CAMK2D: variants seen among roughly 807,000 people sequenced by gnomAD.
The protein encoded by CAMK2D is calcium/calmodulin dependent protein kinase II delta.
A neutral mutation model predicts 84.0 loss-of-function variants in CAMK2D; 37 were observed. The ratio of observed to expected loss-of-function variants is 0.44; its 90% confidence interval spans 0.34 to 0.58. The LOEUF (loss-of-function observed/expected upper bound fraction) is 0.58. Among genes scored for constraint, CAMK2D ranks in the 20% least tolerant of loss-of-function variants. The pLI, the probability that CAMK2D is intolerant of heterozygous loss-of-function variation, is 0.02. For synonymous variants in CAMK2D, 202 were observed against 212.5 expected, an observed-to-expected ratio of 0.95 and a Z score of 0.43; for missense variants, 448 against 652.5, an observed-to-expected ratio of 0.69 and a Z score of 3.41.
At chr4:113,592,368 T>C (rs2098893389) in intron 4 of CAMK2D, among the ~76,000 whole-genome samples, 1 of 152,214 alleles carries the variant, frequency 6.6e-6, no homozygotes, top group Admixed American at 6.5e-5. Context: ...AGAATGTCAC[T>C]GACAGTCCAC....
chr4:113,537,544 T>G (rs1049130495), intron 6 of CAMK2D, 101 bp from the exon 7 acceptor site: 4 of 679,070 alleles, frequency 5.9e-6, no homozygotes, highest in South Asian at 5.3e-5. Context: ...AAAAAATTCA[T>G]GCACTGTCAT....
At chr4:113,508,866 A>C (rs1471959499) in intron 13 of CAMK2D, among the ~76,000 whole-genome samples, 1 of 152,246 alleles carries the variant, frequency 6.6e-6, no homozygotes, top group Non-Finnish European at 1.5e-5. Flanking sequence ...AGTGTTGATG[A>C]AGAATGTATG....
intron 3 of CAMK2D, among the ~76,000 whole-genome samples, chr4:113,635,795 T>G (rs2099107775): frequency 6.6e-6 from 1 of 152,186 alleles, no homozygotes; most frequent in African/African-American, 2.4e-5. Flanking sequence ...TTGATAAAAT[T>G]TGTAGTTTAT....
intron 16 of CAMK2D, among the ~76,000 whole-genome samples, chr4:113,481,869 G>A (rs2097705492): frequency 6.6e-6 from 1 of 152,186 alleles, no homozygotes; most frequent in Non-Finnish European, 1.5e-5. Flanking sequence ...AAAGAGAAAG[G>A]GCAGTAAGCC....
intron 2 of CAMK2D, among the ~76,000 whole-genome samples, chr4:113,710,297 A>G (rs1022308447): frequency 6.6e-6 from 1 of 152,168 alleles, no homozygotes; most frequent in African/African-American, 2.4e-5. Context: ...GAGGATATTC[A>G]TATCAGGTTT....
intron 16 of CAMK2D, among the ~76,000 whole-genome samples, chr4:113,492,826 C>T (rs1214828981): frequency 7.2e-6 from 1 of 139,084 alleles, no homozygotes; most frequent in East Asian, 2.0e-4. Flanking sequence ...CTGGGTGCTC[C>T]TGTATTGGGT....
At chr4:113,479,508 A>AT (rs2097672546) in intron 16 of CAMK2D, among the ~76,000 whole-genome samples, 1 of 152,230 alleles carries the variant, frequency 6.6e-6, no homozygotes, top group Admixed American at 6.5e-5. Context: ...AGTGCCTATT[A>AT]TATGGTACTA....
intron 16 of CAMK2D, among the ~76,000 whole-genome samples, chr4:113,498,338 T>C (rs1220382947): frequency 6.6e-6 from 1 of 152,166 alleles, no homozygotes; most frequent in Non-Finnish European, 1.5e-5. Context: ...TGATGGGGCC[T>C]AGGCAATCTT....
intron 2 of CAMK2D, among the ~76,000 whole-genome samples, chr4:113,689,601 C>T (rs766000261): frequency 3.9e-5 from 6 of 152,164 alleles, no homozygotes; most frequent in Non-Finnish European, 8.8e-5. Context: ...AGAAAGTTTG[C>T]ACTTCCTTTT....
chr4:113,688,065 A>G (rs1376050478), intron 2 of CAMK2D, among the ~76,000 whole-genome samples: 1 of 152,240 alleles, frequency 6.6e-6, no homozygotes, highest in African/African-American at 2.4e-5. Context: ...CTAAATAATG[A>G]CTGATTTTCC....
intron 6 of CAMK2D, among the ~76,000 whole-genome samples, chr4:113,546,286 G>T (rs897051012): frequency 1.3e-5 from 2 of 152,134 alleles, no homozygotes; most frequent in Non-Finnish European, 2.9e-5. Flanking sequence ...GGCCAGTAAA[G>T]AATTTTTGAG....
At chr4:113,644,990 A>T (rs1165339374) in intron 3 of CAMK2D, among the ~76,000 whole-genome samples, 1 of 151,932 alleles carries the variant, frequency 6.6e-6, no homozygotes, top group African/African-American at 2.4e-5. Flanking sequence ...TGTACTGAGA[A>T]TTTTTTGTTG....
intron 14 of CAMK2D, 194 bp from the exon 15 acceptor site, chr4:113,503,171 G>C: frequency 1.4e-6 from 1 of 725,698 alleles, no homozygotes; most frequent in East Asian, 2.5e-5. Flanking sequence ...CATGAGATAG[G>C]AACCTCCCTA....
At chr4:113,700,163 A>G (rs916850303) in intron 2 of CAMK2D, among the ~76,000 whole-genome samples, 1 of 152,158 alleles carries the variant, frequency 6.6e-6, no homozygotes, top group Admixed American at 6.6e-5. Context: ...ACCAAAGAAA[A>G]CCTGCTAACT....
At chr4:113,747,619 T>C (rs779359703) in intron 2 of CAMK2D, among the ~76,000 whole-genome samples, 1 of 152,140 alleles carries the variant, frequency 6.6e-6, no homozygotes, top group African/African-American at 2.4e-5. Context: ...TACTAGCCGA[T>C]TTTTAAAAAC....
At chr4:113,669,318 T>C (rs1255923496) in intron 2 of CAMK2D, among the ~76,000 whole-genome samples, 1 of 152,226 alleles carries the variant, frequency 6.6e-6, no homozygotes, top group African/African-American at 2.4e-5. Flanking sequence ...AAGAAGGAGA[T>C]GGGCATACTC....
intron 4 of CAMK2D, among the ~76,000 whole-genome samples, chr4:113,560,837 T>C (rs1370462481): frequency 6.6e-6 from 1 of 152,102 alleles, no homozygotes; most frequent in Non-Finnish European, 1.5e-5. Context: ...ACACCACTGC[T>C]ATATAGATTC....
chr4:113,496,446 CTTTTTT>C lies in CAMK2D; in HGVS notation c.1135+4011_1135+4016del, dbSNP rs543371495. On this transcript the variant is annotated intron_variant, in intron 16 of 20. Coordinates refer to ENST00000511664, the MANE Select transcript of CAMK2D (RefSeq NM_001321571.2). ...TATGCTTTATTGGGACTCCCATTTG[CTTTTTT>C]TTTTTTTTTTTTTTAAAGCAAAGTC... 1.7e-4 allele frequency among the ~76,000 whole-genome samples: 20 copies of C among 120,672 alleles called. No individual in the cohort carries two copies. In the South Asian group the frequency reaches 3.8e-3, roughly 23 times the overall value. The allele number at this position is 120,672 out of a possible 152,430, so 79.2% of individuals were successfully genotyped here. A position where few individuals can be genotyped will look rare whatever the true frequency, so the allele number is the denominator to read the frequency against.
At chr4:113,607,540 G>A (rs184433064) in intron 4 of CAMK2D, among the ~76,000 whole-genome samples, 35 of 151,844 alleles carry the variant, frequency 2.3e-4, no homozygotes, top group African/African-American at 7.3e-4. Flanking sequence ...CACCGTAACC[G>A]ATCAATTGAC....
Sources: gnomAD v4.1 joint callset for allele counts (sites outside exome capture counted in the v4.1 genomes callset) on GRCh38, gnomAD v4.1.1 for gene constraint, MANE v1.5 for transcripts, NCBI Gene and HGNC (gene_info 2026-07-23, HGNC 2026-07-21) for gene names.